PRICKLE1: variants seen among roughly 807,000 people sequenced by gnomAD.
PRICKLE1 encodes the protein prickle-like protein 1.
PRICKLE1 carries 14 observed loss-of-function variants against 70.2 expected under a neutral mutation model. The ratio of observed to expected loss-of-function variants is 0.20; its 90% confidence interval spans 0.13 to 0.31. The LOEUF (loss-of-function observed/expected upper bound fraction) is 0.31, where lower values mean the gene tolerates loss of function less well. Among genes scored for constraint, PRICKLE1 ranks in the 10% least tolerant of loss-of-function variants. The pLI is 1.00. For synonymous variants in PRICKLE1, 357 were observed against 379.9 expected, an observed-to-expected ratio of 0.94 and a Z score of 0.70; for missense variants, 821 against 1,026.2, an observed-to-expected ratio of 0.80 and a Z score of 2.73.
intron 1 of PRICKLE1, among the ~76,000 whole-genome samples, chr12:42,513,408 T>A (rs1037116046): frequency 6.6e-6 from 1 of 152,180 alleles, no homozygotes; most frequent in Admixed American, 6.5e-5. Flanking sequence ...ATTTGTTAAA[T>A]GAATACAGCT....
Position 42,527,942 on chromosome 12 carries a change from T to C in PRICKLE1, c.-48-55378A>G, listed in dbSNP as rs1419792196. Among the ~76,000 whole-genome samples, 110 of 63,066 alleles carry C rather than the reference T, an allele frequency of 1.7e-3. 6 individuals are homozygous for C. The highest frequency in any genetic ancestry group is 6.7e-3 in the African/African-American group (107 of 15,914). 41.4% of individuals were successfully genotyped at this position (63,066 alleles called of 152,430 possible). The stretch of plus-strand genomic sequence containing the variant: ...ATATATATATATATATATATATATA[T>C]ATATATATATATATATATATATATA... On this transcript the variant is annotated intron_variant, in intron 1 of 7. Transcript: ENST00000345127.
At chr12:42,467,114 ATTTTTAT>A (rs1938125559) in intron 5 of PRICKLE1, among the ~76,000 whole-genome samples, 1 of 151,114 alleles carries the variant, frequency 6.6e-6, no homozygotes, top group African/African-American at 2.4e-5. Context: ...TTTTATTTTT[ATTTTTAT>A]TTTTTATTTT....
intron 1 of PRICKLE1, among the ~76,000 whole-genome samples, chr12:42,504,018 C>T (rs908002933): frequency 2.0e-5 from 3 of 147,024 alleles, no homozygotes; most frequent in Non-Finnish European, 4.4e-5. Context: ...AAACCCACTT[C>T]CTCACAAAAA....
chr12:42,463,435 TGTGGCCAGGCGTG>T (rs1187441051), intron 7 of PRICKLE1, among the ~76,000 whole-genome samples: 1 of 150,680 alleles, frequency 6.6e-6, no homozygotes, highest in Non-Finnish European at 1.5e-5. Context: ...AAAATGAGCT[TGTGGCCAGGCGTG>T]GTGGCTCATG....
chr12:42,470,052 A>C, intron 3 of PRICKLE1, 194 bp downstream of exon 3: 1 of 576,738 alleles, frequency 1.7e-6, no homozygotes, highest in Non-Finnish European at 3.1e-6. Context: ...ACTTGTGTTA[A>C]GTTTATTACA....
chr12:42,522,428 C>T (rs1213823071), intron 1 of PRICKLE1, among the ~76,000 whole-genome samples: 1 of 152,090 alleles, frequency 6.6e-6, no homozygotes, highest in Non-Finnish European at 1.5e-5. Flanking sequence ...CTATTTTCTA[C>T]CATGCTTATA....
chr12:42,564,356 C>A (rs190618778), intron 1 of PRICKLE1, among the ~76,000 whole-genome samples: 2 of 151,918 alleles, frequency 1.3e-5, no homozygotes, highest in Non-Finnish European at 2.9e-5. Flanking sequence ...CCTGTAATAC[C>A]AGCACTTTGG....
chr12:42,477,284 A>ATCACTTGAAGCCAGGAGGCAGAGG (rs1938580790), intron 1 of PRICKLE1, among the ~76,000 whole-genome samples: 1 of 151,732 alleles, frequency 6.6e-6, no homozygotes, highest in African/African-American at 2.4e-5. Context: ...AGGCAGGAGA[A>ATCACTTGAAGCCAGGAGGCAGAGG]TCACTTGAAG....
At chr12:42,582,732 T>G (rs1292281466) in intron 1 of PRICKLE1, among the ~76,000 whole-genome samples, 2 of 152,248 alleles carry the variant, frequency 1.3e-5, no homozygotes, top group Non-Finnish European at 2.9e-5. Flanking sequence ...GTGGGCCACA[T>G]GCAACCCAGG....
At chr12:42,551,526 AG>A (rs1228432158) in intron 1 of PRICKLE1, among the ~76,000 whole-genome samples, 2 of 152,320 alleles carry the variant, frequency 1.3e-5, no homozygotes, top group Non-Finnish European at 2.9e-5. Flanking sequence ...CCTGCAGAAC[AG>A]GAAGAGCCAA....
At chr12:42,563,487 C>T (rs1392627031) in intron 1 of PRICKLE1, among the ~76,000 whole-genome samples, 4 of 151,224 alleles carry the variant, frequency 2.6e-5, no homozygotes, top group African/African-American at 9.7e-5. Flanking sequence ...ACCACGAGAT[C>T]AGGAGATCGA....
At chr12:42,581,585 A>G (rs557496642) in intron 1 of PRICKLE1, among the ~76,000 whole-genome samples, 2 of 152,140 alleles carry the variant, frequency 1.3e-5, no homozygotes, top group South Asian at 4.2e-4. Context: ...CGTCTCCACT[A>G]AAAATACAAA....
chr12:42,514,200 A>G (rs1009699239), intron 1 of PRICKLE1, among the ~76,000 whole-genome samples: 1 of 152,112 alleles, frequency 6.6e-6, no homozygotes, highest in African/African-American at 2.4e-5. Context: ...TACATCCCCA[A>G]ATCATGAAAC....
chr12:42,467,017 C>T (rs535371805), intron 5 of PRICKLE1, among the ~76,000 whole-genome samples: 19 of 152,316 alleles, frequency 1.2e-4, no homozygotes, highest in African/African-American at 3.8e-4. Context: ...GCTGGGACCA[C>T]AAGGGCACAA....
intron 1 of PRICKLE1, among the ~76,000 whole-genome samples, chr12:42,530,223 C>T (rs1939886543): frequency 1.3e-5 from 2 of 152,256 alleles, no homozygotes; most frequent in East Asian, 1.9e-4. Context: ...GGATTACAGG[C>T]ATAAGCCACT....
At chr12:42,465,576 T>C (rs1377428913) in intron 6 of PRICKLE1, 3 of 352,662 alleles carry the variant, frequency 8.5e-6, no homozygotes, top group East Asian at 6.2e-5. Flanking sequence ...GCTCTCATAC[T>C]GTAGACAAGT....
chr12:42,583,404 T>A (rs1458951950), intron 1 of PRICKLE1, among the ~76,000 whole-genome samples: 5 of 152,206 alleles, frequency 3.3e-5, no homozygotes, highest in African/African-American at 9.6e-5. Flanking sequence ...TTTGCTTAAC[T>A]GAAAGACAAT....
chr12:42,579,736 T>C (rs575079727), intron 1 of PRICKLE1, among the ~76,000 whole-genome samples: 1 of 152,314 alleles, frequency 6.6e-6, no homozygotes, highest in East Asian at 1.9e-4. Context: ...TAGTGAGTTT[T>C]AAAGTTCTTC....
At chr12:42,506,149 G>A (rs570105016) in intron 1 of PRICKLE1, among the ~76,000 whole-genome samples, 45 of 152,220 alleles carry the variant, frequency 3.0e-4, no homozygotes, top group African/African-American at 9.6e-4. Context: ...GAAAAGTTCC[G>A]AAGGGGAAGT....
Sources: allele counts gnomAD v4.1 joint callset (sites outside exome capture counted in the v4.1 genomes callset), GRCh38; gene constraint gnomAD v4.1.1; transcripts MANE v1.5; gene names NCBI Gene and HGNC (gene_info 2026-07-23, HGNC 2026-07-21).